IMMP1L: variants seen among roughly 807,000 people sequenced by gnomAD.
IMMP1L encodes the protein mitochondrial inner membrane protease subunit 1.
A neutral mutation model predicts 21.8 loss-of-function variants in IMMP1L; 24 were observed. The ratio of observed to expected loss-of-function variants is 1.10; its 90% confidence interval spans 0.80 to 1.55. IMMP1L has a LOEUF of 1.55. Ranked by LOEUF, IMMP1L falls within the 40% of genes most tolerant of loss-of-function variation. The probability of loss-of-function intolerance (pLI) is 0.00; values close to 1 mark genes in which losing one functional copy is unlikely to be tolerated. For missense variants in IMMP1L, 195 were observed against 200.7 expected, an observed-to-expected ratio of 0.97 and a Z score of 0.17; for synonymous variants, 46 against 62.8, an observed-to-expected ratio of 0.73 and a Z score of 1.26.
chr11:31,444,900 C>G (rs1271694916), intron 4 of IMMP1L, among the ~76,000 whole-genome samples: 2 of 152,200 alleles, frequency 1.3e-5, no homozygotes, highest in Non-Finnish European at 2.9e-5. Context: ...ACCAACTAGT[C>G]AGAATGTAGG....
intron 4 of IMMP1L, among the ~76,000 whole-genome samples, chr11:31,448,227 T>C (rs867804212): frequency 3.2e-4 from 49 of 152,302 alleles, no homozygotes; most frequent in Middle Eastern, 3.4e-3. Context: ...GAGAATTGCT[T>C]GAACCTCGAA....
chr11:31,441,340 TTG>T (rs1268577602), intron 4 of IMMP1L, among the ~76,000 whole-genome samples: 1 of 151,332 alleles, frequency 6.6e-6, no homozygotes, highest in African/African-American at 2.4e-5. Flanking sequence ...TTTTTTTTTT[TTG>T]TCTTTGGTAG....
intron 4 of IMMP1L, among the ~76,000 whole-genome samples, chr11:31,434,258 A>G (rs1953035392): frequency 6.6e-6 from 1 of 152,142 alleles, no homozygotes; most frequent in Non-Finnish European, 1.5e-5. Context: ...ATAATGTTCT[A>G]TGTATAAACT....
chr11:31,447,684 C>G (rs1953574631), intron 4 of IMMP1L, among the ~76,000 whole-genome samples: 2 of 152,134 alleles, frequency 1.3e-5, no homozygotes, highest in African/African-American at 4.8e-5. Context: ...AAAATTCTGT[C>G]CCAGGAGGAA....
At chr11:31,508,253 A>G (rs1234816519) in intron 1 of IMMP1L, among the ~76,000 whole-genome samples, 1 of 152,216 alleles carries the variant, frequency 6.6e-6, no homozygotes, top group African/African-American at 2.4e-5. Context: ...TATTTACTAC[A>G]GGATAAAATT....
intron 1 of IMMP1L, among the ~76,000 whole-genome samples, chr11:31,509,293 T>C (rs1955914693): frequency 6.6e-6 from 1 of 152,088 alleles, no homozygotes; most frequent in African/African-American, 2.4e-5. Context: ...CCTTTCCATA[T>C]AACACAAAAT....
chr11:31,464,357 C>T (rs1319541503), intron 1 of IMMP1L, among the ~76,000 whole-genome samples: 2 of 152,142 alleles, frequency 1.3e-5, no homozygotes, highest in East Asian at 3.9e-4. Flanking sequence ...CTGAATTCTA[C>T]CAAACATATA....
chr11:31,438,918 A>C (rs1388118052), intron 4 of IMMP1L, among the ~76,000 whole-genome samples: 1 of 152,206 alleles, frequency 6.6e-6, no homozygotes, highest in Non-Finnish European at 1.5e-5. Flanking sequence ...ATTTCGCAGC[A>C]GTATATTTTC....
At chr11:31,502,776 G>A (rs1223116) in intron 1 of IMMP1L, among the ~76,000 whole-genome samples, 58,499 of 152,088 alleles carry the variant, frequency 0.38, 14,488 homozygotes, top group African/African-American at 0.71. Context: ...TGCAAATATG[G>A]AGAAAAGTCC....
intron 1 of IMMP1L, among the ~76,000 whole-genome samples, chr11:31,479,150 CT>C (rs1954812082): frequency 6.6e-6 from 1 of 151,976 alleles, no homozygotes; most frequent in African/African-American, 2.4e-5. Flanking sequence ...AAAAAAAGTA[CT>C]AAGATTTGCG....
At chr11:31,459,367 C>T (rs1216231015) in intron 3 of IMMP1L, among the ~76,000 whole-genome samples, 1 of 152,134 alleles carries the variant, frequency 6.6e-6, no homozygotes, top group Non-Finnish European at 1.5e-5. Context: ...ATAAACTAAA[C>T]ACTAGCTCAA....
intron 4 of IMMP1L, among the ~76,000 whole-genome samples, chr11:31,454,924 A>T (rs571900805): frequency 6.6e-6 from 1 of 152,334 alleles, no homozygotes; most frequent in South Asian, 2.1e-4. Flanking sequence ...ATCTCAGGAA[A>T]TGCTAATAGT....
rs761558164 is a variant in IMMP1L at position 31,460,710 on chromosome 11, G to A, written c.110C>T (p.Ser37Phe). 6.3e-7 allele frequency: 1 copy of A among 1,592,258 alleles called. No homozygotes were observed. The highest frequency in any genetic ancestry group is 1.1e-5 in the South Asian group (1 of 89,516). ...AATTGTAGGCTCCATTGATGGTCCA[G>A]AACACTGAAAAGAGAGGTAATTTGT... is the stretch of plus-strand genomic sequence containing the variant. ...FEYVGGVVMC[S>F]GPSMEPTIQN... Residue 37 changes from serine to phenylalanine, a missense_variant, in exon 3 of 6, where the codon TCT becomes TTT. Ser to Phe is a radical substitution (Grantham distance 155). Coordinates refer to ENST00000532287, the MANE Select transcript of IMMP1L (RefSeq NM_001304274.2).
intron 1 of IMMP1L, among the ~76,000 whole-genome samples, chr11:31,505,610 G>C (rs952183555): frequency 1.3e-5 from 2 of 152,162 alleles, no homozygotes; most frequent in Non-Finnish European, 2.9e-5. Context: ...TTAGAGAGCT[G>C]AAAAAGCAAA....
intron 1 of IMMP1L, among the ~76,000 whole-genome samples, chr11:31,487,859 A>G (rs746729890): frequency 6.6e-6 from 1 of 152,158 alleles, no homozygotes; most frequent in Non-Finnish European, 1.5e-5. Flanking sequence ...CAAGACTATC[A>G]GTACTTTCAT....
At chr11:31,479,138 A>T (rs1385037454) in intron 1 of IMMP1L, among the ~76,000 whole-genome samples, 6 of 151,226 alleles carry the variant, frequency 4.0e-5, no homozygotes, top group South Asian at 2.1e-4. Context: ...AGTTTTATAT[A>T]AAAAAAAAGT....
chr11:31,435,899 A>C (rs1293323435), intron 4 of IMMP1L, among the ~76,000 whole-genome samples: 2 of 152,192 alleles, frequency 1.3e-5, no homozygotes, highest in Non-Finnish European at 2.9e-5. Context: ...TTGGGAGTAC[A>C]TCCTGACAAA....
chr11:31,448,693 C>A, intron 4 of IMMP1L, among the ~76,000 whole-genome samples: 1 of 152,182 alleles, frequency 6.6e-6, no homozygotes, highest in Non-Finnish European at 1.5e-5. Flanking sequence ...ATATATACAT[C>A]TTTTCAAACA....
At chr11:31,453,559 C>T (rs777447702) in intron 4 of IMMP1L, among the ~76,000 whole-genome samples, 6 of 152,100 alleles carry the variant, frequency 3.9e-5, no homozygotes, top group Non-Finnish European at 5.9e-5. Context: ...AAGGGACACA[C>T]GAGAGGGGTA....
Sources: allele counts gnomAD v4.1 joint callset (sites outside exome capture counted in the v4.1 genomes callset), GRCh38; gene constraint gnomAD v4.1.1; transcripts MANE v1.5; gene names NCBI Gene and HGNC (gene_info 2026-07-23, HGNC 2026-07-21).